The following NSL1 variants were observed in gnomAD, a reference collection of about 807,000 sequenced individuals.
The protein encoded by NSL1 is NSL1 component of MIS12 kinetochore complex.
Under a neutral mutation model 25.4 loss-of-function variants are expected in NSL1, and 11 were observed. The ratio of observed to expected loss-of-function variants is 0.43; its 90% CI spans 0.27 to 0.72. The LOEUF (loss-of-function observed/expected upper bound fraction) is 0.72, where lower values mean the gene tolerates loss of function less well. NSL1 is among the 30% of genes least tolerant of loss of function. The probability of loss-of-function intolerance (pLI) is 0.19; values close to 1 mark genes in which losing one functional copy is unlikely to be tolerated. For synonymous variants in NSL1, 118 were observed against 120.6 expected (o/e 0.98, Z 0.14); for missense variants, 330 against 342.7 (o/e 0.96, Z 0.29).
At chr1:212,789,359 G>A (rs2102409375) in intron 1 of NSL1, among the ~76,000 whole-genome samples, 2 of 152,176 alleles carry the variant, frequency 1.3e-5, no homozygotes, top group Non-Finnish European at 1.5e-5. Flanking sequence ...TTACAGGCAA[G>A]CGCCATCACA....
rs1660766487 is a variant in NSL1 at position 212,782,380 on chromosome 1, GGGTCATATTTTA to G, written c.479_490del (p.Leu160_Asp163del). 6.2e-7 allele frequency: 1 copy of G among 1,609,106 alleles called. No individual in the cohort carries two copies. The highest frequency in any genetic ancestry group is 1.3e-5 in the African/African-American group (1 of 74,838). On this transcript the variant is annotated inframe_deletion, in exon 4 of 6. Transcript: ENST00000366977. ...AATGGATACTGACTCACCTGGATCA[GGGTCATATTTTA>G]GGTCCAGTGGATGTACAACAGGGTG...
Position 212,791,519 on chromosome 1 carries a change from T to G in NSL1, c.234+11A>C. On this transcript the variant is annotated intron_variant, in intron 1 of 5. Coordinates refer to ENST00000366977, the MANE Select transcript of NSL1 (RefSeq NM_015471.4). ...GATGATGAGTAAAGAACTGGCTAACTGGTCCCGTACCCACTGCGCATCTCG... is the reference window on the plus strand; with the variant it reads ...GATGATGAGTAAAGAACTGGCTAACGGGTCCCGTACCCACTGCGCATCTCG... 6.2e-7 allele frequency: 1 copy of G among 1,609,162 alleles called. No individual in the cohort carries two copies.
intron 3 of NSL1, 39 bp from the exon 4 acceptor site, chr1:212,782,465 A>G (rs764481426): frequency 1.5e-6 from 2 of 1,340,512 alleles, no homozygotes; most frequent in East Asian, 4.6e-5. Flanking sequence ...TAATCACTTA[A>G]TGCTTCATAT....
intron 4 of NSL1, among the ~76,000 whole-genome samples, chr1:212,746,312 G>A (rs756378537): frequency 1.3e-5 from 2 of 152,096 alleles, no homozygotes; most frequent in Non-Finnish European, 2.9e-5. Flanking sequence ...GTTCTATACA[G>A]TATTAAAACT....
chr1:212,729,971 C>A lies in NSL1; in HGVS notation c.*8437G>T. ...TTTTTTTTTTTAAGAATGAAATGGG[C>A]CGGGCGTGGCGGCTCACTCCTGTAA... On this transcript the variant is annotated 3_prime_UTR_variant, in exon 6 of 6. Coordinates refer to ENST00000366977, the MANE Select transcript of NSL1 (RefSeq NM_015471.4). The A allele has an allele frequency of 1.0e-6, 1 of 984,724 alleles. No homozygotes were observed. The highest frequency in any genetic ancestry group is 1.2e-6 in the Non-Finnish European group (1 of 829,790). 61.0% of individuals were successfully genotyped at this position (984,724 alleles called of 1,614,324 possible).
At chr1:212,770,945 A>C (rs1167380419) in intron 4 of NSL1, among the ~76,000 whole-genome samples, 1 of 152,246 alleles carries the variant, frequency 6.6e-6, no homozygotes, top group African/African-American at 2.4e-5. Flanking sequence ...AGAATGAAGC[A>C]CAAATATCAT....
chr1:212,756,641 G>A (rs1659321757), intron 4 of NSL1, among the ~76,000 whole-genome samples: 1 of 152,076 alleles, frequency 6.6e-6, no homozygotes, highest in African/African-American at 2.4e-5. Flanking sequence ...CCAATATGGT[G>A]AAACCTTGTC....
rs775274087 is a variant in NSL1 at position 212,784,448 on chromosome 1, A to C, written c.359T>G (p.Val120Gly). 4 of 1,588,274 alleles carry C rather than the reference A, an allele frequency of 2.5e-6. No homozygotes were observed. In the Admixed American group the frequency reaches 5.0e-5, roughly 20 times the overall value. Residue 120 changes from valine to glycine, a missense_variant, in exon 3 of 6, where the codon GTA becomes GGA. Coordinates refer to ENST00000366977, the MANE Select transcript of NSL1 (RefSeq NM_015471.4). ...VLEDQFDEII[V>G]DIATKRKQYP... ...CTGCTTACGTTTTGTGGCTATATCTACTATGATTTCATCAAACTGATCTTC... is the reference window on the plus strand; with the variant it reads ...CTGCTTACGTTTTGTGGCTATATCTCCTATGATTTCATCAAACTGATCTTC...
At chr1:212,740,478 G>A (rs918714908) in intron 4 of NSL1, among the ~76,000 whole-genome samples, 1 of 122,760 alleles carries the variant, frequency 8.1e-6, no homozygotes, top group Non-Finnish European at 2.0e-5. Flanking sequence ...TCTCAGAAAA[G>A]GGTTTTTTTT....
intron 4 of NSL1, among the ~76,000 whole-genome samples, chr1:212,742,364 T>C (rs997229773): frequency 2.0e-5 from 3 of 152,112 alleles, no homozygotes; most frequent in African/African-American, 4.8e-5. Flanking sequence ...TAAGAAATAA[T>C]AGATTAGATT....
intron 4 of NSL1, among the ~76,000 whole-genome samples, chr1:212,779,314 C>G (rs1660561312): frequency 6.9e-6 from 1 of 144,744 alleles, no homozygotes; most frequent in Non-Finnish European, 1.6e-5. Context: ...AGCCAGCCGC[C>G]CCGTCCGGGA....
intron 4 of NSL1, among the ~76,000 whole-genome samples, chr1:212,770,171 C>T (rs1660036688): frequency 6.6e-6 from 1 of 152,086 alleles, no homozygotes; most frequent in Non-Finnish European, 1.5e-5. Flanking sequence ...ATGTACCCAA[C>T]ACTAGAGCAT....
In NSL1 at chr1:212,784,346, A is replaced by G. The variant is rs1290707119; in HGVS notation, c.444+17T>C. On this transcript the variant is annotated intron_variant, in intron 3 of 5. Transcript: ENST00000366977. Reference sequence around the variant, plus strand: ...TGGTAAAATATACTATAACATTTTAAAGGCAAATCATCTTACCAGAATTTC... The same window carrying G: ...TGGTAAAATATACTATAACATTTTAGAGGCAAATCATCTTACCAGAATTTC... 1.3e-6 allele frequency: 2 copies of G among 1,537,960 alleles called. No homozygotes were observed. The highest frequency in any genetic ancestry group is 1.8e-6 in the Non-Finnish European group (2 of 1,128,830).
rs1053929986 is a variant in NSL1, at chr1:212,727,551, G to C, written c.*10857C>G. The C allele has an allele frequency of 1.0e-6, 1 of 985,274 alleles. No individual in the cohort carries two copies. The highest frequency in any genetic ancestry group is 4.7e-5 in the South Asian group (1 of 21,286). The allele number at this position is 985,274 out of a possible 1,614,324, so 61.0% of individuals were successfully genotyped here. On this transcript the variant is annotated 3_prime_UTR_variant, in exon 6 of 6. Coordinates refer to ENST00000366977, the MANE Select transcript of NSL1 (RefSeq NM_015471.4). The stretch of plus-strand genomic sequence containing the variant: ...GGAGAGAAAGGACAATGAATTAGAC[G>C]TGTGCCACATACTTCTCTCAAAAAC...
chr1:212,756,471 G>A (rs1659314007), intron 4 of NSL1, among the ~76,000 whole-genome samples: 1 of 152,130 alleles, frequency 6.6e-6, no homozygotes, highest in Admixed American at 6.5e-5. Context: ...ATAAAATTAT[G>A]TATTGTTTGC....
chr1:212,734,900 T>C lies in NSL1; in HGVS notation c.*3508A>G, dbSNP rs1243312090. 1.3e-5 allele frequency among the ~76,000 whole-genome samples: 2 copies of C among 152,228 alleles called. No individual in the cohort carries two copies. The highest frequency in any genetic ancestry group is 4.8e-5 in the African/African-American group (2 of 41,468). On this transcript the variant is annotated 3_prime_UTR_variant, in exon 6 of 6. Transcript: ENST00000366977. ...AATATGACCTTCCTGAAGGCAACAC[T>C]TGTCCTGAGTGTTTTCATTTCCTTT... is the stretch of plus-strand genomic sequence containing the variant.
At chr1:212,738,905 G>A (rs144459943) in intron 5 of NSL1, among the ~76,000 whole-genome samples, 3,606 of 152,188 alleles carry the variant, frequency 0.024, 320 homozygotes, top group Admixed American at 0.17. Context: ...TGGGACTACA[G>A]GCGCGCACCA....
chr1:212,791,128 TA>T lies in NSL1; in HGVS notation c.234+401del, dbSNP rs748169495. Among the ~76,000 whole-genome samples the T allele has an allele frequency of 3.3e-5, 5 of 152,198 alleles. No individual in the cohort carries two copies. The South Asian group carries it at 8.3e-4, about 25-fold the overall frequency. ...ATGTAACTAGTTCGAAGATGTGCCGTAAATGCAGCACACCAGATTTGAAAAG... is the reference window on the plus strand; with the variant it reads ...ATGTAACTAGTTCGAAGATGTGCCGTAATGCAGCACACCAGATTTGAAAAG... On this transcript the variant is annotated intron_variant, in intron 1 of 5. Coordinates refer to ENST00000366977, the MANE Select transcript of NSL1 (RefSeq NM_015471.4).
intron 4 of NSL1, among the ~76,000 whole-genome samples, chr1:212,775,615 A>C (rs1469859001): frequency 6.6e-6 from 1 of 151,960 alleles, no homozygotes; most frequent in Non-Finnish European, 1.5e-5. Context: ...AAAAAAACAA[A>C]ACAAAACTCA....
Sources: allele counts gnomAD v4.1 joint callset (sites outside exome capture counted in the v4.1 genomes callset), GRCh38; gene constraint gnomAD v4.1.1; transcripts MANE v1.5; gene names NCBI Gene and HGNC (gene_info 2026-07-23, HGNC 2026-07-21).